Variants in HIVEP3 observed in about 807,000 individuals in gnomAD.
HIVEP3 encodes the protein HIVEP zinc finger 3.
A neutral mutation model predicts 152.8 loss-of-function variants in HIVEP3; 49 were observed. That is an observed-to-expected ratio of 0.32 (90% CI 0.26 to 0.41). HIVEP3 has a LOEUF of 0.41. Among genes scored for constraint, HIVEP3 ranks in the 10% least tolerant of loss-of-function variants. The pLI is 1.00. For missense variants in HIVEP3, 2,790 were observed against 3,103.3 expected (o/e 0.90, Z 2.40); for synonymous variants, 1,269 against 1,289.0 (o/e 0.98, Z 0.33).
intron 1 of HIVEP3, among the ~76,000 whole-genome samples, chr1:42,018,589 A>G (rs1192931536): frequency 6.6e-6 from 1 of 152,110 alleles, no homozygotes; most frequent in Non-Finnish European, 1.5e-5. Context: ...AAACAGGAAT[A>G]TGTCACCCCA....
intron 1 of HIVEP3, among the ~76,000 whole-genome samples, chr1:41,990,668 A>G (rs1196813802): frequency 1.6e-4 from 24 of 151,614 alleles, no homozygotes; most frequent in Admixed American, 1.6e-3. Flanking sequence ...ACATCTACAG[A>G]ACTCTCCACC....
At chr1:41,576,600 A>G (rs1283628455) in intron 4 of HIVEP3, among the ~76,000 whole-genome samples, 1 of 152,224 alleles carries the variant, frequency 6.6e-6, no homozygotes, top group African/African-American at 2.4e-5. Flanking sequence ...GTTTCCATCC[A>G]GTGAATGAAG....
At chr1:41,716,084 G>C (rs1646588660) in intron 1 of HIVEP3, among the ~76,000 whole-genome samples, 1 of 152,254 alleles carries the variant, frequency 6.6e-6, no homozygotes, top group African/African-American at 2.4e-5. Flanking sequence ...GAGGAAAGCA[G>C]CAAAGGCCGG....
Position 41,513,327 on chromosome 1 carries a change from G to A in HIVEP3, c.5894C>T (p.Pro1965Leu), listed in dbSNP as rs750117573. The A allele has an allele frequency of 5.6e-6, 9 of 1,612,160 alleles. No individual in the cohort carries two copies. The highest frequency in any genetic ancestry group is 5.3e-5 in the African/African-American group (4 of 74,846). ...GSALSYKPVS[P>L]RRPWSPSKEA... is the part of the protein sequence containing the mutation. The stretch of plus-strand genomic sequence containing the variant: ...TTTGCTTGGGGACCACGGTCTTCTT[G>A]GGGACACAGGCTTGTAGCTCAAGGC... The change falls in exon 8 of 9, where the codon CCA (proline) becomes CTA (leucine). Residue 1965 changes from proline (P) to leucine (L), a missense_variant. Physicochemically the swap from Pro to Leu is moderately conservative, Grantham distance 98. Around this residue, in one of 9 missense-constraint regions of HIVEP3, gnomAD observed 816 missense variants for 806.5 expected, o/e 1.01. Transcript: ENST00000372583.
chr1:41,984,153 T>G (rs1228053205), intron 1 of HIVEP3, among the ~76,000 whole-genome samples: 1 of 152,210 alleles, frequency 6.6e-6, no homozygotes, highest in Non-Finnish European at 1.5e-5. Flanking sequence ...AAGTTTGTTT[T>G]GTAGATACAG....
intron 1 of HIVEP3, among the ~76,000 whole-genome samples, chr1:41,858,592 C>T (rs1420619612): frequency 6.6e-6 from 1 of 152,198 alleles, no homozygotes; most frequent in Non-Finnish European, 1.5e-5. Flanking sequence ...GTAACACCTA[C>T]CCTATGCTGG....
In HIVEP3 at chr1:41,657,204, G is replaced by A. The variant is rs114508156; in HGVS notation, c.-720-28257C>T. ...CTCCCGACACTCCCACAAGCCGGGT[G>A]TTTACACCCCAATTGACCCACACGG... On this transcript the variant is annotated intron_variant, in intron 2 of 8. Coordinates refer to ENST00000372583, the MANE Select transcript of HIVEP3 (RefSeq NM_024503.5). Among the ~76,000 whole-genome samples, 616 of 152,350 alleles carry A rather than the reference G, an allele frequency of 4.0e-3. 6 individuals are homozygous for A. The highest frequency in any genetic ancestry group is 0.033 in the South Asian group (160 of 4,826).
intron 1 of HIVEP3, among the ~76,000 whole-genome samples, chr1:41,928,128 G>A (rs908598086): frequency 2.2e-4 from 33 of 148,460 alleles, no homozygotes; most frequent in African/African-American, 7.9e-4. Flanking sequence ...TTAAGAAACA[G>A]TTAAATAATA....
At chr1:41,627,143 T>C (rs936057683) in intron 3 of HIVEP3, among the ~76,000 whole-genome samples, 1 of 152,218 alleles carries the variant, frequency 6.6e-6, no homozygotes, top group Non-Finnish European at 1.5e-5. Flanking sequence ...GGGCTGCAAC[T>C]GGGAGAGCAG....
chr1:41,602,765 T>A (rs1327805017), intron 3 of HIVEP3, among the ~76,000 whole-genome samples: 1 of 152,044 alleles, frequency 6.6e-6, no homozygotes, highest in Non-Finnish European at 1.5e-5. Flanking sequence ...TCTGTTAACC[T>A]TGGCCTTAAT....
chr1:41,910,925 C>T (rs1036803902), intron 1 of HIVEP3, among the ~76,000 whole-genome samples: 3 of 151,876 alleles, frequency 2.0e-5, no homozygotes, highest in South Asian at 4.1e-4. Context: ...AAAGCTTAAA[C>T]GTTTAGAAGA....
rs1449380832 is a variant in HIVEP3 at position 41,660,593 on chromosome 1, A to G, written c.-720-31646T>C. Among the ~76,000 whole-genome samples the G allele has an allele frequency of 3.3e-5, 5 of 152,288 alleles. No individual in the cohort carries two copies. In the South Asian group the frequency reaches 1.0e-3, roughly 32 times the overall value. ...GCTTACTCTCCATTAAAACAGACCA[A>G]TTAGAATTTAGCTCTCAAAGTTTGG... On this transcript the variant is annotated intron_variant, in intron 2 of 8. Coordinates refer to ENST00000372583, the MANE Select transcript of HIVEP3 (RefSeq NM_024503.5).
intron 1 of HIVEP3, among the ~76,000 whole-genome samples, chr1:41,854,984 T>C (rs1643718004): frequency 1.7e-5 from 1 of 59,734 alleles, no homozygotes; most frequent in Non-Finnish European, 3.2e-5. Context: ...GCAATAAACA[T>C]ACGTGTGCAT....
intron 1 of HIVEP3, among the ~76,000 whole-genome samples, chr1:41,876,573 A>T (rs755169683): frequency 2.6e-5 from 4 of 152,192 alleles, no homozygotes; most frequent in Non-Finnish European, 5.9e-5. Flanking sequence ...ATTATCTATT[A>T]TTATTATTAT....
intron 2 of HIVEP3, among the ~76,000 whole-genome samples, chr1:41,694,448 C>T (rs759119707): frequency 3.9e-5 from 6 of 152,056 alleles, no homozygotes; most frequent in African/African-American, 1.2e-4. Context: ...AGATATTTGC[C>T]GGGTGAATGA....
chr1:41,723,839 CA>C (rs1379753836), intron 1 of HIVEP3, among the ~76,000 whole-genome samples: 1 of 152,130 alleles, frequency 6.6e-6, no homozygotes, highest in Non-Finnish European at 1.5e-5. Flanking sequence ...TTAGGGTTAG[CA>C]CTTTCATAGG....
intron 1 of HIVEP3, among the ~76,000 whole-genome samples, chr1:41,902,863 TCGAGG>T (rs1192771195): frequency 1.3e-5 from 2 of 152,182 alleles, no homozygotes; most frequent in Admixed American, 6.5e-5. Flanking sequence ...AAGAAAGACA[TCGAGG>T]CTCTTACAGT....
chr1:41,771,211 G>C (rs181435121), intron 1 of HIVEP3, among the ~76,000 whole-genome samples: 1 of 151,998 alleles, frequency 6.6e-6, no homozygotes, highest in African/African-American at 2.4e-5. Flanking sequence ...CTTATAAATA[G>C]AAGATTATTT....
intron 1 of HIVEP3, among the ~76,000 whole-genome samples, chr1:41,842,598 A>T (rs1382122733): frequency 6.6e-6 from 1 of 152,174 alleles, no homozygotes; most frequent in Non-Finnish European, 1.5e-5. Flanking sequence ...AGATAACAGA[A>T]TGCTAGCTTC....
Sources: gnomAD v4.1 joint callset for allele counts (sites outside exome capture counted in the v4.1 genomes callset) on GRCh38, gnomAD v4.1.1 for gene constraint, gnomAD v4.1.1 regional missense constraint, MANE v1.5 for transcripts, NCBI Gene and HGNC (gene_info 2026-07-23, HGNC 2026-07-21) for gene names.